Variants in ZZZ3 observed in about 807,000 individuals in gnomAD.
The protein encoded by ZZZ3 is ZZ-type zinc finger-containing protein 3.
ZZZ3 carries 22 observed loss-of-function variants against 95.2 expected under a neutral mutation model. The ratio of observed to expected loss-of-function variants is 0.23; its 90% CI spans 0.17 to 0.33. ZZZ3 has a LOEUF of 0.33. Among genes scored for constraint, ZZZ3 ranks in the 10% least tolerant of loss-of-function variants. The probability of loss-of-function intolerance (pLI) is 1.00; values close to 1 mark genes in which losing one functional copy is unlikely to be tolerated. For synonymous variants in ZZZ3, 335 were observed against 358.9 expected, an observed-to-expected ratio of 0.93 and a Z score of 0.75; for missense variants, 885 against 1,066.5, an observed-to-expected ratio of 0.83 and a Z score of 2.37.
chr1:77,590,758 T>C (rs1184213650), intron 5 of ZZZ3, among the ~76,000 whole-genome samples: 2 of 152,368 alleles, frequency 1.3e-5, no homozygotes, highest in African/African-American at 2.4e-5. Flanking sequence ...TGGAGTATAA[T>C]AATGGTATTT....
At chr1:77,665,054 G>A (rs1448662141) in intron 1 of ZZZ3, among the ~76,000 whole-genome samples, 1 of 152,158 alleles carries the variant, frequency 6.6e-6, no homozygotes, top group East Asian at 1.9e-4. Context: ...TAAAACCTGT[G>A]CTATCAGCCA....
chr1:77,581,958 T>G (rs765983757), intron 7 of ZZZ3, 21 bp downstream of exon 7: 2 of 1,600,658 alleles, frequency 1.2e-6, no homozygotes, highest in Non-Finnish European at 1.7e-6. Flanking sequence ...CTACTTAAAT[T>G]CTTATCATAT....
chr1:77,679,294 A>G (rs1672537433), intron 1 of ZZZ3, among the ~76,000 whole-genome samples: 1 of 152,016 alleles, frequency 6.6e-6, no homozygotes, highest in Non-Finnish European at 1.5e-5. Flanking sequence ...TTTCATATGA[A>G]ATTTAGGTGT....
rs1211741655 is a variant in ZZZ3, at chr1:77,576,769, C to A, written c.2179-549G>T. Reference sequence around the variant, plus strand: ...AATACACTCACACTAAAAAAAAAAACAAAAAAACAACAAAAAAAAAATTTC... The same window carrying A: ...AATACACTCACACTAAAAAAAAAAAAAAAAAAACAACAAAAAAAAAATTTC... On this transcript the variant is annotated intron_variant, in intron 11 of 14. Transcript: ENST00000370801. Among the ~76,000 whole-genome samples, 10 of 28,138 alleles carry A rather than the reference C, an allele frequency of 3.6e-4. No homozygotes were observed. The East Asian group carries it at 4.3e-3, about 12-fold the overall frequency. 18.5% of individuals were successfully genotyped at this position (28,138 alleles called of 152,430 possible). A position where few individuals can be genotyped will look rare whatever the true frequency, so the allele number is the denominator to read the frequency against.
At chr1:77,608,818 T>C (rs1665498905) in intron 5 of ZZZ3, among the ~76,000 whole-genome samples, 1 of 152,156 alleles carries the variant, frequency 6.6e-6, no homozygotes, top group Non-Finnish European at 1.5e-5. Flanking sequence ...GAAGTTGTTA[T>C]CAGGTTAAAA....
At chr1:77,604,520 T>C (rs1665042984) in intron 5 of ZZZ3, among the ~76,000 whole-genome samples, 1 of 152,200 alleles carries the variant, frequency 6.6e-6, no homozygotes. Flanking sequence ...AAAGCAAGAA[T>C]TACCAGCATC....
intron 1 of ZZZ3, among the ~76,000 whole-genome samples, chr1:77,646,455 TCAAGTGATCCTCCCACCTC>T (rs1669286215): frequency 1.3e-5 from 2 of 152,146 alleles, no homozygotes; most frequent in Non-Finnish European, 2.9e-5. Context: ...ACTCCTGGGC[TCAAGTGATCCTCCCACCTC>T]AGCCTCACAA....
At chr1:77,592,591 C>T (rs1345450865) in intron 5 of ZZZ3, among the ~76,000 whole-genome samples, 2 of 152,046 alleles carry the variant, frequency 1.3e-5, no homozygotes, top group African/African-American at 2.4e-5. Flanking sequence ...CGTGAACAAC[C>T]GTGCCCAGCC....
intron 5 of ZZZ3, among the ~76,000 whole-genome samples, chr1:77,597,904 T>C (rs1664363341): frequency 6.6e-6 from 1 of 152,156 alleles, no homozygotes; most frequent in Non-Finnish European, 1.5e-5. Context: ...TCATTAATTG[T>C]AACAAATGAA....
intron 5 of ZZZ3, among the ~76,000 whole-genome samples, chr1:77,626,004 A>G (rs1007555856): frequency 6.6e-6 from 1 of 152,064 alleles, no homozygotes; most frequent in African/African-American, 2.4e-5. Context: ...CTCAAAAAAA[A>G]AAGAAAAAAA....
chr1:77,674,196 C>A (rs1672046688), intron 1 of ZZZ3, among the ~76,000 whole-genome samples: 1 of 152,046 alleles, frequency 6.6e-6, no homozygotes, highest in South Asian at 2.1e-4. Context: ...TCTTGAAAAC[C>A]ATGAATGCCA....
At chr1:77,596,932 A>C (rs1400517924) in intron 5 of ZZZ3, among the ~76,000 whole-genome samples, 4 of 152,100 alleles carry the variant, frequency 2.6e-5, no homozygotes, top group African/African-American at 9.7e-5. Flanking sequence ...ACATGGGTTC[A>C]TATACACAAT....
intron 14 of ZZZ3, 83 bp downstream of exon 14, chr1:77,565,998 T>G (rs1394807225): frequency 2.4e-6 from 3 of 1,240,390 alleles, no homozygotes; most frequent in Non-Finnish European, 3.4e-6. Flanking sequence ...TAATATTTTC[T>G]ATGTTTGGAA....
At chr1:77,598,031 T>C (rs546177041) in intron 5 of ZZZ3, among the ~76,000 whole-genome samples, 13 of 152,218 alleles carry the variant, frequency 8.5e-5, no homozygotes, top group African/African-American at 3.1e-4. Context: ...TTTTTAAAAG[T>C]CTATTTTTAA....
rs1557684097 is a variant in ZZZ3 at position 77,568,470 on chromosome 1, TCAAAAA to T, written c.2332-10_2332-5del. On this transcript the variant is annotated splice_region_variant and splice_polypyrimidine_tract_variant and intron_variant, in intron 12 of 14. Transcript: ENST00000370801. ...TGATAGGAATACTTTCGTCATCCTATCAAAAAAAAAAAAAAAAAAAAATGTTGGTTT... is the reference window on the plus strand; with the variant it reads ...TGATAGGAATACTTTCGTCATCCTATAAAAAAAAAAAAAAAATGTTGGTTT... 1 of 425,694 alleles carries T rather than the reference TCAAAAA, an allele frequency of 2.3e-6. No individual in the cohort carries two copies. The highest frequency in any genetic ancestry group is 3.1e-6 in the Non-Finnish European group (1 of 319,768). 26.4% of individuals were successfully genotyped at this position (425,694 alleles called of 1,614,324 possible).
chr1:77,655,223 G>A (rs377205615), intron 1 of ZZZ3, among the ~76,000 whole-genome samples: 48 of 152,212 alleles, frequency 3.2e-4, no homozygotes, highest in Middle Eastern at 3.4e-3. Flanking sequence ...ATCCAATCAC[G>A]TCTTAAAGGT....
intron 1 of ZZZ3, among the ~76,000 whole-genome samples, chr1:77,653,450 G>A (rs1400414757): frequency 6.6e-6 from 1 of 152,116 alleles, no homozygotes; most frequent in East Asian, 1.9e-4. Flanking sequence ...ATATCTCAAT[G>A]TTTTTAAAAG....
At chr1:77,603,687 G>A (rs182994044) in intron 5 of ZZZ3, among the ~76,000 whole-genome samples, 23 of 151,878 alleles carry the variant, frequency 1.5e-4, no homozygotes, top group African/African-American at 5.1e-4. Context: ...TTTTTAACAG[G>A]ACAAGGCAAA....
chr1:77,609,931 A>G (rs986016445), intron 5 of ZZZ3, among the ~76,000 whole-genome samples: 6 of 152,026 alleles, frequency 3.9e-5, no homozygotes, highest in African/African-American at 9.7e-5. Context: ...CCAACATAAA[A>G]AACAAAAAAC....
Sources: gnomAD v4.1 joint callset for allele counts (sites outside exome capture counted in the v4.1 genomes callset) on GRCh38, gnomAD v4.1.1 for gene constraint, MANE v1.5 for transcripts, NCBI Gene and HGNC (gene_info 2026-07-23, HGNC 2026-07-21) for gene names.